Variants in PIP4K2A observed in about 807,000 individuals in gnomAD.
The protein encoded by PIP4K2A is phosphatidylinositol 5-phosphate 4-kinase type-2 alpha.
In PIP4K2A, 14 loss-of-function variants were observed where a neutral mutation model predicts 42.9. That is an observed-to-expected ratio of 0.33 (90% confidence interval 0.22 to 0.51). The LOEUF is 0.51. Ranked by LOEUF, PIP4K2A falls within the 20% of genes least tolerant of loss-of-function variation. PIP4K2A has a pLI of 0.97. For synonymous variants in PIP4K2A, 192 were observed against 192.2 expected, an observed-to-expected ratio of 1.00 and a Z score of 0.01; for missense variants, 434 against 519.8, an observed-to-expected ratio of 0.83 and a Z score of 1.61.
chr10:22,574,130 T>G (rs1195690089), intron 4 of PIP4K2A, among the ~76,000 whole-genome samples: 2 of 152,168 alleles, frequency 1.3e-5, no homozygotes, highest in Admixed American at 1.3e-4. Context: ...TTGGCTGTTT[T>G]TCATGACCAA....
At chr10:22,578,724 C>T (rs1472892624) in intron 4 of PIP4K2A, among the ~76,000 whole-genome samples, 1 of 152,218 alleles carries the variant, frequency 6.6e-6, no homozygotes, top group Admixed American at 6.5e-5. Context: ...TTGAGTTGCA[C>T]ATCCACATAG....
chr10:22,663,824 C>T (rs1227197417), intron 1 of PIP4K2A, among the ~76,000 whole-genome samples: 2 of 151,400 alleles, frequency 1.3e-5, no homozygotes, highest in Non-Finnish European at 2.9e-5. Flanking sequence ...TGTGTAACTA[C>T]ACCATCATTT....
Position 22,580,030 on chromosome 10 carries a change from G to T in PIP4K2A, c.493-6573C>A, listed in dbSNP as rs1038846546. Reference sequence around the variant, plus strand: ...AGGGCCAAGATGCAGCCAAGGCCCCGAGGTGAGGGGTGGAGAGGGCAAAGG... The same window carrying T: ...AGGGCCAAGATGCAGCCAAGGCCCCTAGGTGAGGGGTGGAGAGGGCAAAGG... On this transcript the variant is annotated intron_variant, in intron 4 of 9. Transcript: ENST00000376573. 3.9e-5 allele frequency among the ~76,000 whole-genome samples: 6 copies of T among 151,930 alleles called. 1 individual carries two copies. The highest frequency in any genetic ancestry group is 1.5e-4 in the African/African-American group (6 of 41,186).
chr10:22,551,914 CTATTTA>C (rs775463941), intron 6 of PIP4K2A, among the ~76,000 whole-genome samples: 36 of 152,190 alleles, frequency 2.4e-4, no homozygotes, highest in Non-Finnish European at 4.3e-4. Context: ...ACTTCCCCTC[CTATTTA>C]TAAAGTATAG....
At chr10:22,631,482 C>T (rs1347355057) in intron 1 of PIP4K2A, among the ~76,000 whole-genome samples, 1 of 152,084 alleles carries the variant, frequency 6.6e-6, no homozygotes, top group Non-Finnish European at 1.5e-5. Flanking sequence ...CACCAGAAAC[C>T]GAACCCTGTC....
intron 4 of PIP4K2A, among the ~76,000 whole-genome samples, chr10:22,582,241 T>A (rs758259774): frequency 4.6e-5 from 7 of 151,304 alleles, no homozygotes; most frequent in Non-Finnish European, 7.4e-5. Context: ...TAAATTAGAG[T>A]CATGGAATTA....
chr10:22,714,051 G>A, intron 1 of PIP4K2A, 132 bp downstream of exon 1: 2 of 941,318 alleles, frequency 2.1e-6, no homozygotes, highest in Non-Finnish European at 3.1e-6. Context: ...GGGCTTCGAG[G>A]CGGGCGAGCA....
intron 1 of PIP4K2A, among the ~76,000 whole-genome samples, chr10:22,659,327 G>A (rs2130828774): frequency 6.6e-6 from 1 of 152,314 alleles, no homozygotes; most frequent in Middle Eastern, 3.4e-3. Context: ...GGGTGCAGTG[G>A]CTCATGCCTG....
chr10:22,575,730 G>A (rs1837099107), intron 4 of PIP4K2A, among the ~76,000 whole-genome samples: 1 of 151,982 alleles, frequency 6.6e-6, no homozygotes, highest in African/African-American at 2.4e-5. Flanking sequence ...ACGAGGTCAG[G>A]AGTCCAAGAT....
intron 3 of PIP4K2A, among the ~76,000 whole-genome samples, chr10:22,602,074 A>C (rs1837794232): frequency 6.6e-6 from 1 of 152,122 alleles, no homozygotes; most frequent in African/African-American, 2.4e-5. Flanking sequence ...GCATTCTATA[A>C]ATTACAATGC....
intron 1 of PIP4K2A, among the ~76,000 whole-genome samples, chr10:22,615,912 G>A (rs1838167931): frequency 6.6e-6 from 1 of 152,128 alleles, no homozygotes; most frequent in African/African-American, 2.4e-5. Flanking sequence ...TGGGGCCCCA[G>A]GGCATCCTGG....
intron 1 of PIP4K2A, among the ~76,000 whole-genome samples, chr10:22,621,638 G>T (rs1482899125): frequency 6.6e-6 from 1 of 152,118 alleles, no homozygotes; most frequent in East Asian, 1.9e-4. Flanking sequence ...GGTGTCCCTG[G>T]GTACCCCAGA....
At chr10:22,568,871 T>C (rs934416111) in intron 5 of PIP4K2A, 3 of 621,128 alleles carry the variant, frequency 4.8e-6, no homozygotes, top group East Asian at 2.8e-5. Context: ...CACAGGCCAA[T>C]TTCCTGGGCT....
rs906000328 is a variant in PIP4K2A, at chr10:22,658,923, C to T, written c.145-49206G>A. The stretch of plus-strand genomic sequence containing the variant: ...TCAGATGACAAAGCCTGGAGCTTTA[C>T]ACATCTTTCTGATAAGGGCTCCATA... On this transcript the variant is annotated intron_variant, in intron 1 of 9. Coordinates refer to ENST00000376573, the MANE Select transcript of PIP4K2A (RefSeq NM_005028.5). Among the ~76,000 whole-genome samples, 6 of 152,358 alleles carry T rather than the reference C, an allele frequency of 3.9e-5. No individual in the cohort carries two copies. In the East Asian group the frequency reaches 1.2e-3, roughly 29 times the overall value.
chr10:22,562,620 A>G (rs36122037), intron 6 of PIP4K2A, among the ~76,000 whole-genome samples: 21 of 152,204 alleles, frequency 1.4e-4, no homozygotes, highest in Non-Finnish European at 2.8e-4. Flanking sequence ...AAACGTTTCT[A>G]GAGTCTACAA....
intron 1 of PIP4K2A, among the ~76,000 whole-genome samples, chr10:22,712,913 GGTGTGTGTGTGTGTGTGTGTGTGTGT>G (rs35439666): frequency 6.8e-6 from 1 of 147,502 alleles, no homozygotes; most frequent in Admixed American, 6.8e-5. Flanking sequence ...CTACATTGAG[GGTGTGTGTGTGTGTGTGTGTGTGTGT>G]GTCTGTGTGT....
chr10:22,646,013 T>TGCC (rs1387900165), intron 1 of PIP4K2A, among the ~76,000 whole-genome samples: 2 of 152,224 alleles, frequency 1.3e-5, no homozygotes, highest in African/African-American at 2.4e-5. Context: ...TGCGCCACTG[T>TGCC]GCCCAGCCTA....
chr10:22,595,022 T>C (rs75948530), intron 3 of PIP4K2A, among the ~76,000 whole-genome samples: 197 of 152,314 alleles, frequency 1.3e-3, no homozygotes, highest in African/African-American at 4.4e-3. Flanking sequence ...TGTCAAAACA[T>C]AGAATGTACC....
intron 7 of PIP4K2A, among the ~76,000 whole-genome samples, chr10:22,546,351 T>C (rs1406164746): frequency 6.6e-6 from 1 of 152,220 alleles, no homozygotes; most frequent in Non-Finnish European, 1.5e-5. Context: ...TTTCAGTTTG[T>C]AGACCGGGGG....
Sources: gnomAD v4.1 joint callset for allele counts (sites outside exome capture counted in the v4.1 genomes callset) on GRCh38, gnomAD v4.1.1 for gene constraint, MANE v1.5 for transcripts, NCBI Gene and HGNC (gene_info 2026-07-23, HGNC 2026-07-21) for gene names.